The following IQGAP2 variants were observed in gnomAD, a reference collection of about 807,000 sequenced individuals.
IQGAP2 encodes the protein IQ motif containing GTPase activating protein 2, also known as ras GTPase-activating-like protein IQGAP2.
In IQGAP2, 173 loss-of-function variants were observed where a neutral mutation model predicts 201.3. That is an observed-to-expected ratio of 0.86 (90% CI 0.76 to 0.98). The LOEUF (loss-of-function observed/expected upper bound fraction) is 0.98. Ranked by LOEUF, IQGAP2 falls within the 50% of genes least tolerant of loss-of-function variation. The pLI is 0.00. For missense variants in IQGAP2, 1,687 were observed against 1,864.8 expected, an observed-to-expected ratio of 0.90 and a Z score of 1.76; for synonymous variants, 675 against 673.9, an observed-to-expected ratio of 1.00 and a Z score of -0.03.
At chr5:76,560,794 T>C (rs1435199308) in intron 2 of IQGAP2, among the ~76,000 whole-genome samples, 1 of 152,234 alleles carries the variant, frequency 6.6e-6, no homozygotes, top group Non-Finnish European at 1.5e-5. Context: ...TTTTATCATA[T>C]ATACTATTCC....
rs1018988162 is a variant in IQGAP2, at chr5:76,705,082, G to A, written c.4615-2118G>A. ...GTAAAAATAATGTCAGGTATTTATC[G>A]GGGACTGCAGGGTGGGCCTTCTTCC... On this transcript the variant is annotated intron_variant, in intron 35 of 35. Coordinates refer to ENST00000274364, the MANE Select transcript of IQGAP2 (RefSeq NM_006633.5). Among the ~76,000 whole-genome samples, 4 of 152,106 alleles carry A rather than the reference G, an allele frequency of 2.6e-5. No homozygotes were observed. In the South Asian group the frequency reaches 6.3e-4, roughly 24 times the overall value.
chr5:76,529,510 C>A (rs914751012), intron 2 of IQGAP2, among the ~76,000 whole-genome samples: 2 of 151,926 alleles, frequency 1.3e-5, no homozygotes, highest in African/African-American at 4.8e-5. Flanking sequence ...CGCCTGTAAT[C>A]CCAGCTAGTC....
chr5:76,496,766 TTTCTTTCTTTCTTTCTTTCTTTCTTTCTC>T (rs1756990844), intron 2 of IQGAP2, among the ~76,000 whole-genome samples: 1 of 85,980 alleles, frequency 1.2e-5, no homozygotes, highest in Non-Finnish European at 2.2e-5. Flanking sequence ...TCTTTCTTTC[TTTCTTTCTTTCTTTCTTTCTTTCTTTCTC>T]TTTCTTTCTT....
chr5:76,530,631 C>CA (rs1759240337), intron 2 of IQGAP2, among the ~76,000 whole-genome samples: 1 of 73,290 alleles, frequency 1.4e-5, no homozygotes, highest in Non-Finnish European at 2.4e-5. Flanking sequence ...CATGCACACA[C>CA]AGGAGGGCTC....
At chr5:76,519,999 A>G (rs755570408) in intron 2 of IQGAP2, among the ~76,000 whole-genome samples, 6 of 151,576 alleles carry the variant, frequency 4.0e-5, no homozygotes, top group Non-Finnish European at 5.9e-5. Context: ...TTTTACTCTT[A>G]TCAGAATCTT....
At chr5:76,682,841 GCA>G (rs771168996) in intron 28 of IQGAP2, among the ~76,000 whole-genome samples, 2 of 152,202 alleles carry the variant, frequency 1.3e-5, no homozygotes, top group South Asian at 2.1e-4. Context: ...GAAGAGTGAA[GCA>G]CAGAGATCAG....
chr5:76,467,989 G>C (rs918502216), intron 2 of IQGAP2, among the ~76,000 whole-genome samples: 4 of 152,092 alleles, frequency 2.6e-5, no homozygotes, highest in Admixed American at 6.6e-5. Flanking sequence ...TACTGGGTAT[G>C]GGATTTCTTT....
intron 16 of IQGAP2, 118 bp downstream of exon 16, chr5:76,637,294 A>G (rs1751223822): frequency 1.2e-6 from 1 of 819,750 alleles, no homozygotes; most frequent in African/African-American, 1.8e-5. Context: ...AAGTCTGGAT[A>G]TGTAATAAAG....
chr5:76,515,384 G>A (rs1006906232), intron 2 of IQGAP2, among the ~76,000 whole-genome samples: 3 of 152,092 alleles, frequency 2.0e-5, no homozygotes, highest in African/African-American at 4.8e-5. Context: ...TTAACCTTTT[G>A]TGGCTTAATT....
At chr5:76,528,708 G>A (rs976201522) in intron 2 of IQGAP2, among the ~76,000 whole-genome samples, 8 of 152,286 alleles carry the variant, frequency 5.3e-5, no homozygotes, top group Admixed American at 2.0e-4. Context: ...TCCAGCAGGC[G>A]ACTCTAGGGT....
intron 9 of IQGAP2, among the ~76,000 whole-genome samples, chr5:76,594,619 G>GA (rs527968299): frequency 3.3e-5 from 5 of 151,888 alleles, no homozygotes; most frequent in Non-Finnish European, 5.9e-5. Flanking sequence ...GTAACCTTAG[G>GA]AAAAAAACCC....
intron 4 of IQGAP2, 69 bp downstream of exon 4, chr5:76,570,726 G>C: frequency 1.9e-6 from 2 of 1,039,286 alleles, no homozygotes; most frequent in South Asian, 2.6e-5. Flanking sequence ...CTCTTTATGA[G>C]CAATGACTTT....
At chr5:76,611,605 A>G (rs901724604) in intron 13 of IQGAP2, among the ~76,000 whole-genome samples, 1 of 152,224 alleles carries the variant, frequency 6.6e-6, no homozygotes, top group African/African-American at 2.4e-5. Flanking sequence ...TGTCACATGG[A>G]ACAGTCAAGT....
At chr5:76,503,073 T>A (rs1757368653) in intron 2 of IQGAP2, among the ~76,000 whole-genome samples, 1 of 152,020 alleles carries the variant, frequency 6.6e-6, no homozygotes, top group Admixed American at 6.6e-5. Context: ...GATAGGTTAC[T>A]CCTGGAAGCA....
At chr5:76,632,981 TC>T (rs1323151409) in intron 15 of IQGAP2, among the ~76,000 whole-genome samples, 5 of 152,140 alleles carry the variant, frequency 3.3e-5, no homozygotes, top group African/African-American at 1.2e-4. Context: ...CACCCTTGAG[TC>T]CCTCTCTGTT....
At chr5:76,636,606 G>A (rs984943201) in intron 15 of IQGAP2, among the ~76,000 whole-genome samples, 2 of 152,154 alleles carry the variant, frequency 1.3e-5, no homozygotes, top group Non-Finnish European at 2.9e-5. Context: ...CTTAAATAAG[G>A]GCCACAGTCC....
chr5:76,503,152 CCTTTT>C lies in IQGAP2; in HGVS notation c.146+41489_146+41493del, dbSNP rs149879147. Among the ~76,000 whole-genome samples, 1,332 of 149,016 alleles carry C rather than the reference CCTTTT, an allele frequency of 8.9e-3. 28 individuals carry two copies. The highest frequency in any genetic ancestry group is 0.03 in the African/African-American group (1,204 of 40,618). On this transcript the variant is annotated intron_variant, in intron 2 of 35. Transcript: ENST00000274364. ...ATTTTTAAATTTTGCTTTTAAATTT[CCTTTT>C]CTTTTTCTTTTCTTTTCTTTTTTTT...
At chr5:76,528,160 C>G (rs534848349) in intron 2 of IQGAP2, among the ~76,000 whole-genome samples, 5 of 152,168 alleles carry the variant, frequency 3.3e-5, no homozygotes, top group Admixed American at 1.3e-4. Flanking sequence ...TCTTTTCTGT[C>G]CTTTCACTGT....
chr5:76,471,373 A>AAAAAC (rs1554058991), intron 2 of IQGAP2, among the ~76,000 whole-genome samples: 39 of 107,534 alleles, frequency 3.6e-4, no homozygotes, highest in African/African-American at 7.3e-4. Context: ...GCAAAAAAAA[A>AAAAAC]AAAAAAAAAA....
Sources: allele counts gnomAD v4.1 joint callset (sites outside exome capture counted in the v4.1 genomes callset), GRCh38; gene constraint gnomAD v4.1.1; transcripts MANE v1.5; gene names NCBI Gene and HGNC (gene_info 2026-07-23, HGNC 2026-07-21).